The following FNBP4 variants were observed in gnomAD, a reference collection of about 807,000 sequenced individuals.
The protein encoded by FNBP4 is formin-binding protein 4.
Under a neutral mutation model 119.3 loss-of-function variants are expected in FNBP4, and 34 were observed. The observed-to-expected ratio is 0.28, with a 90% CI of 0.22 to 0.38. The LOEUF (loss-of-function observed/expected upper bound fraction) is 0.38. Among genes scored for constraint, FNBP4 ranks in the 10% least tolerant of loss-of-function variants. FNBP4 has a pLI of 1.00. For synonymous variants in FNBP4, 462 were observed against 430.6 expected (o/e 1.07, Z -0.90); for missense variants, 1,112 against 1,228.9 (o/e 0.90, Z 1.42).
chr11:47,726,536 T>C (rs1394304187), intron 12 of FNBP4: 1 of 151,502 alleles, frequency 6.6e-6, no homozygotes, highest in African/African-American at 2.4e-5. Flanking sequence ...AACAACATCA[T>C]TCCCACTGTC....
chr11:47,728,064 C>T (rs905703396), intron 12 of FNBP4, among the ~76,000 whole-genome samples: 13 of 151,112 alleles, frequency 8.6e-5, no homozygotes, highest in East Asian at 5.9e-4. Context: ...TTAGTAGAGG[C>T]GGGGTTTCTA....
At chr11:47,743,376 G>A (rs1322290528) in intron 8 of FNBP4, among the ~76,000 whole-genome samples, 2 of 151,988 alleles carry the variant, frequency 1.3e-5, no homozygotes, top group Non-Finnish European at 1.5e-5. Flanking sequence ...CCAGCTACTC[G>A]GGAGGCTGAG....
chr11:47,730,961 G>A (rs1158445384), intron 12 of FNBP4, among the ~76,000 whole-genome samples: 1 of 152,156 alleles, frequency 6.6e-6, no homozygotes, highest in Non-Finnish European at 1.5e-5. Flanking sequence ...ATTAGTGGAG[G>A]TGAGAAATGA....
At chr11:47,717,975 G>A (rs1030368531) in intron 16 of FNBP4, among the ~76,000 whole-genome samples, 3 of 151,010 alleles carry the variant, frequency 2.0e-5, no homozygotes, top group Non-Finnish European at 4.4e-5. Context: ...GGCTGGTCTC[G>A]AACTCCCAAC....
Position 47,746,110 on chromosome 11 carries a change from C to T in FNBP4, c.1191G>A (p.Glu397=). The T allele has an allele frequency of 6.2e-7, 1 of 1,611,806 alleles. No individual in the cohort carries two copies. Among genetic ancestry groups the T allele is most frequent in the East Asian group, 2.2e-5 (1 of 44,872 alleles). ...CAAGGGTATCTTGTTCCTCTTCCTCCTCACTTTCTCCAGATTGGACAACAC... is the reference window on the plus strand; with the variant it reads ...CAAGGGTATCTTGTTCCTCTTCCTCTTCACTTTCTCCAGATTGGACAACAC... ...LCSVVQSGES[E]EEEEQDTLEL... Residue 397 remains glutamate, a synonymous_variant, in exon 7 of 17, where the codon GAG becomes GAA. Transcript: ENST00000263773.
chr11:47,765,105 T>C (rs1400116475), intron 2 of FNBP4, among the ~76,000 whole-genome samples, 165 bp downstream of exon 2: 3 of 152,154 alleles, frequency 2.0e-5, no homozygotes, highest in East Asian at 1.9e-4. Context: ...AAAGTGTATA[T>C]ACATCAACAT....
At chr11:47,727,332 C>A (rs2097562278) in intron 12 of FNBP4, among the ~76,000 whole-genome samples, 1 of 150,704 alleles carries the variant, frequency 6.6e-6, no homozygotes, top group Non-Finnish European at 1.5e-5. Flanking sequence ...TCACCGCAAC[C>A]TCTGCCTGCC....
chr11:47,751,500 C>T (rs768110000), intron 4 of FNBP4, among the ~76,000 whole-genome samples: 2 of 151,858 alleles, frequency 1.3e-5, no homozygotes, highest in African/African-American at 2.4e-5. Context: ...TCCCATCCAC[C>T]CTGCCTCCTA....
chr11:47,756,808 C>T (rs1361727615), intron 2 of FNBP4, among the ~76,000 whole-genome samples: 2 of 151,520 alleles, frequency 1.3e-5, no homozygotes, highest in Non-Finnish European at 2.9e-5. Context: ...GGTTTTCTGT[C>T]CTTGCGATAG....
At chr11:47,731,749 T>C in intron 11 of FNBP4, 188 bp from the exon 12 acceptor site, 1 of 1,354,540 alleles carries the variant, frequency 7.4e-7, no homozygotes, top group Non-Finnish European at 9.4e-7. Flanking sequence ...CAAAGCTATT[T>C]GCACTGCCAG....
Position 47,751,017 on chromosome 11 carries a change from T to C in FNBP4, c.805A>G (p.Thr269Ala). Residue 269 changes from threonine (T) to alanine (A), a missense_variant, in exon 6 of 17, where the codon ACT becomes GCT. By Grantham distance (58) the Thr-to-Ala change is moderately conservative. Transcript: ENST00000263773. ...ATGTCTGTATTTACCACAAAACTAG[T>C]TTCAGCACCTGGCACAGAACTAAAA... Reference protein sequence around the residue: ...YQPSSVPGAETSFVVNTDIYS... With the variant: ...YQPSSVPGAEASFVVNTDIYS... 2 of 1,613,998 alleles carry C rather than the reference T, an allele frequency of 1.2e-6. No homozygotes were observed. Among genetic ancestry groups the C allele is most frequent in the Non-Finnish European group, 1.7e-6 (2 of 1,179,998 alleles).
chr11:47,764,231 G>A (rs370849789), intron 2 of FNBP4, among the ~76,000 whole-genome samples: 4 of 152,214 alleles, frequency 2.6e-5, no homozygotes, highest in South Asian at 2.1e-4. Flanking sequence ...ATAGGTGTGC[G>A]CCACCATGCC....
intron 6 of FNBP4, among the ~76,000 whole-genome samples, chr11:47,748,381 GTAAATT>G (rs1207577700): frequency 2.0e-5 from 3 of 151,710 alleles, no homozygotes; most frequent in African/African-American, 4.8e-5. Flanking sequence ...TTCTGTAACT[GTAAATT>G]TAAGTTATTA....
At chr11:47,721,111 G>T (rs1388257671) in intron 15 of FNBP4, among the ~76,000 whole-genome samples, 1 of 151,560 alleles carries the variant, frequency 6.6e-6, no homozygotes, top group African/African-American at 2.4e-5. Context: ...CACGAGGTCA[G>T]GTGATCGAGA....
chr11:47,733,766 T>G lies in FNBP4; in HGVS notation c.1686+259A>C, dbSNP rs1463945589. Among the ~76,000 whole-genome samples the G allele has an allele frequency of 2.6e-5, 4 of 152,162 alleles. No individual in the cohort carries two copies. In the East Asian group the frequency reaches 7.7e-4, roughly 29 times the overall value. ...TCTCTTTAAACAGACTTATAATGCT[T>G]TAACACTTACAAAGTACCTTCAACA... On this transcript the variant is annotated intron_variant, in intron 10 of 16. Coordinates refer to ENST00000263773, the MANE Select transcript of FNBP4 (RefSeq NM_015308.5).
chr11:47,741,007 G>A (rs980048567), intron 8 of FNBP4, among the ~76,000 whole-genome samples: 2 of 150,424 alleles, frequency 1.3e-5, no homozygotes, highest in Non-Finnish European at 2.9e-5. Flanking sequence ...TCCTACCTCA[G>A]TCTCCCAAGT....
chr11:47,749,440 T>G (rs2097597400), intron 6 of FNBP4, among the ~76,000 whole-genome samples: 1 of 151,944 alleles, frequency 6.6e-6, no homozygotes, highest in African/African-American at 2.4e-5. Flanking sequence ...GTGCCTGTAA[T>G]CCAAGCTACT....
rs1339784093 is a variant in FNBP4, at chr11:47,732,998, A to T, written c.1687-328T>A. 6.6e-6 allele frequency among the ~76,000 whole-genome samples: 1 copy of T among 152,146 alleles called. No individual in the cohort carries two copies. The highest frequency in any genetic ancestry group is 6.5e-5 in the Admixed American group (1 of 15,274). The stretch of plus-strand genomic sequence containing the variant: ...CTGGGCTTGGTGGCAGGCGCCTGTA[A>T]TCCCAGCTACTCGAGAGGCTGAGGC... On this transcript the variant is annotated intron_variant, in intron 10 of 16. Transcript: ENST00000263773. The surrounding 1 kb of genome is among the most constrained non-coding windows in gnomAD (Gnocchi z 4.2).
At position 47,731,371 on chromosome 11, in the gene FNBP4, C is replaced by T. The variant is rs996242552; in HGVS notation, c.2008+3G>A. ...TGAATTAGTACAAGGTAAATTGTCT[C>T]ACCTGTGGAAGTTTCAGAGGATTCT... is the stretch of plus-strand genomic sequence containing the variant. On this transcript the variant is annotated splice_donor_region_variant and intron_variant, in intron 12 of 16. Coordinates refer to ENST00000263773, the MANE Select transcript of FNBP4 (RefSeq NM_015308.5). 6.2e-7 allele frequency: 1 copy of T among 1,606,328 alleles called. No homozygotes were observed. Among genetic ancestry groups the T allele is most frequent in the African/African-American group, 1.3e-5 (1 of 74,370 alleles).
Sources: gnomAD v4.1 joint callset for allele counts (sites outside exome capture counted in the v4.1 genomes callset) on GRCh38, gnomAD v4.1.1 for gene constraint, Gnocchi (gnomAD v3.1) non-coding constraint, MANE v1.5 for transcripts, NCBI Gene and HGNC (gene_info 2026-07-23, HGNC 2026-07-21) for gene names.